Variants in TET1 observed in about 807,000 individuals in gnomAD.
TET1 encodes the protein methylcytosine dioxygenase TET1.
TET1 carries 13 observed loss-of-function variants against 148.7 expected under a neutral mutation model. That is an observed-to-expected ratio of 0.09 (90% CI 0.06 to 0.14). The LOEUF (loss-of-function observed/expected upper bound fraction) is 0.14, where lower values mean the gene tolerates loss of function less well. Ranked by LOEUF, TET1 falls within the 10% of genes least tolerant of loss-of-function variation. TET1 has a pLI of 1.00. For missense variants in TET1, 2,182 were observed against 2,553.8 expected (o/e 0.85, Z 3.14); for synonymous variants, 907 against 937.2 (o/e 0.97, Z 0.59).
At position 68,573,127 on chromosome 10, in the gene TET1, A is replaced by T. The variant is rs904734024; in HGVS notation, c.789A>T (p.Gln263His). 1 of 1,614,154 alleles carries T rather than the reference A, an allele frequency of 6.2e-7. No homozygotes were observed. The highest frequency in any genetic ancestry group is 1.3e-5 in the African/African-American group (1 of 75,050). The change falls in exon 2 of 12, where the codon CAA becomes CAT. Residue 263 changes from glutamine to histidine, a missense_variant. Transcript: ENST00000373644. ...GAGCAACCCCCAAAGTTACCTCTCA[A>T]GGAAACCCCAGCATTCAGTTAGAAG... ...PQRATPKVTS[Q>H]GNPSIQLEEL... is the part of the protein sequence containing the mutation.
chr10:68,604,554 G>A (rs961081890), intron 3 of TET1, among the ~76,000 whole-genome samples: 2 of 152,162 alleles, frequency 1.3e-5, no homozygotes, highest in African/African-American at 2.4e-5. Context: ...GAGTCAAGTG[G>A]GGGGTGGGTG....
chr10:68,583,816 C>T (rs546868369), intron 2 of TET1, among the ~76,000 whole-genome samples: 1 of 151,960 alleles, frequency 6.6e-6, no homozygotes, highest in South Asian at 2.1e-4. Flanking sequence ...GAGGCTGAGG[C>T]AAGAGGATCG....
At position 68,645,929 on chromosome 10, in the gene TET1, A is replaced by T. The variant is rs1564989745; in HGVS notation, c.3200A>T (p.Asp1067Val). 1.2e-6 allele frequency: 2 copies of T among 1,614,116 alleles called. No individual in the cohort carries two copies. Among genetic ancestry groups the T allele is most frequent in the South Asian group, 1.1e-5 (1 of 91,076 alleles). The change falls in exon 4 of 12, where the codon GAT (aspartate) becomes GTT (valine). Residue 1067 changes from aspartate (D) to valine (V), a missense_variant. By Grantham distance (152) the Asp-to-Val change is radical. Coordinates refer to ENST00000373644, the MANE Select transcript of TET1 (RefSeq NM_030625.3). ...GACTCAGATGATCTATCATGTCAGG[A>T]TGCAACCCATACCCAAATTGAGGAA... is the stretch of plus-strand genomic sequence containing the variant. ...KLDSDDLSCQ[D>V]ATHTQIEEDV... is the part of the protein sequence containing the mutation.
At position 68,624,637 on chromosome 10, in the gene TET1, T is replaced by TTTCTTTCTTTCC; in HGVS notation, c.1969-20050_1969-20049insCTTCTTTCTTTC. ...CTTTCTTTCTTTCTTTCTTTCTTTCTTTCTTTCTTTCTTTCTTTCTTTCTC... is the reference window on the plus strand; with the variant it reads ...CTTTCTTTCTTTCTTTCTTTCTTTCTTTCTTTCTTTCCTTCTTTCTTTCTTTCTTTCTTTCTC... On this transcript the variant is annotated intron_variant, in intron 3 of 11. Transcript: ENST00000373644. 6.6e-5 allele frequency among the ~76,000 whole-genome samples: 3 copies of TTTCTTTCTTTCC among 45,528 alleles called. No individual in the cohort carries two copies. The Admixed American group carries it at 7.8e-4, about 12-fold the overall frequency. The allele number at this position is 45,528 out of a possible 152,430, so 29.9% of individuals were successfully genotyped here.
At chr10:68,563,483 A>G (rs2053575833) in intron 1 of TET1, among the ~76,000 whole-genome samples, 1 of 152,250 alleles carries the variant, frequency 6.6e-6, no homozygotes, top group East Asian at 1.9e-4. Flanking sequence ...GTCTCTTGCA[A>G]CTAGCTCTAT....
At chr10:68,624,662 C>CTTTCTTTCTTT (rs1564975112) in intron 3 of TET1, among the ~76,000 whole-genome samples, 4 of 81,200 alleles carry the variant, frequency 4.9e-5, no homozygotes, top group African/African-American at 1.9e-4. Context: ...CTTTCTTTCT[C>CTTTCTTTCTTT]TCTCTCTCTC....
chr10:68,596,037 T>TATAG, intron 2 of TET1, among the ~76,000 whole-genome samples: 1 of 136,450 alleles, frequency 7.3e-6, no homozygotes, highest in Non-Finnish European at 1.6e-5. Context: ...CATATATATA[T>TATAG]ATATATACAC....
At chr10:68,579,919 C>T (rs2053772915) in intron 2 of TET1, among the ~76,000 whole-genome samples, 2 of 151,822 alleles carry the variant, frequency 1.3e-5, no homozygotes, top group South Asian at 4.2e-4. Flanking sequence ...CAGACTCTCA[C>T]ACCTTCCTTC....
rs2055589713 is a variant in TET1 at position 68,691,290 on chromosome 10, C to T, written c.5887C>T (p.His1963Tyr). 4 of 1,614,204 alleles carry T rather than the reference C, an allele frequency of 2.5e-6. No homozygotes were observed. Among genetic ancestry groups the T allele is most frequent in the Non-Finnish European group, 2.5e-6 (3 of 1,180,048 alleles). ...ASSPMEEDEQHSEADEPPSDE... is the reference protein window; with the variant it reads ...ASSPMEEDEQYSEADEPPSDE... ...TTCTCCAATGGAAGAAGATGAGCAGCATTCTGAAGCAGATGAGCCTCCATC... is the reference window on the plus strand; with the variant it reads ...TTCTCCAATGGAAGAAGATGAGCAGTATTCTGAAGCAGATGAGCCTCCATC... Residue 1963 changes from histidine to tyrosine, a missense_variant, in exon 12 of 12, where the codon CAT becomes TAT. Physicochemically the swap from His to Tyr is moderately conservative, Grantham distance 83. Around this residue, in one of 11 missense-constraint regions of TET1, gnomAD observed 380 missense variants for 387.9 expected, o/e 0.98. Coordinates refer to ENST00000373644, the MANE Select transcript of TET1 (RefSeq NM_030625.3). This position sits in a 1 kb window ranked among gnomAD's most constrained non-coding sequence, Gnocchi z 4.4.
At chr10:68,653,803 T>C (rs561150544) in intron 6 of TET1, among the ~76,000 whole-genome samples, 1 of 152,304 alleles carries the variant, frequency 6.6e-6, no homozygotes, top group Admixed American at 6.5e-5. Flanking sequence ...TTCCAGGGTT[T>C]TCCCATTAAG....
chr10:68,635,464 A>C lies in TET1; in HGVS notation c.1969-9234A>C, dbSNP rs144305131. Reference sequence around the variant, plus strand: ...AACAACCTACAGTTTATAGGAATACATTGATTCATTTAATCCTCACAATGA... The same window carrying C: ...AACAACCTACAGTTTATAGGAATACCTTGATTCATTTAATCCTCACAATGA... On this transcript the variant is annotated intron_variant, in intron 3 of 11. Transcript: ENST00000373644. 6.6e-5 allele frequency among the ~76,000 whole-genome samples: 10 copies of C among 152,262 alleles called. No individual in the cohort carries two copies. In the East Asian group the frequency reaches 1.9e-3, roughly 29 times the overall value.
At chr10:68,570,984 T>G (rs2053663613) in intron 1 of TET1, among the ~76,000 whole-genome samples, 1 of 151,412 alleles carries the variant, frequency 6.6e-6, no homozygotes, top group African/African-American at 2.4e-5. Context: ...TTATTTTATT[T>G]ATTTTATTTT....
chr10:68,595,969 C>T (rs1318165284), intron 2 of TET1, among the ~76,000 whole-genome samples: 14 of 41,948 alleles, frequency 3.3e-4, no homozygotes, highest in East Asian at 8.1e-4. Context: ...TATACACACA[C>T]ACACACACAT....
chr10:68,691,067 C>T lies in TET1; in HGVS notation c.5664C>T (p.Leu1888=). ...TPHCTMPSGR[L]SGANAAAADG... is the part of the protein sequence containing the mutation. The stretch of plus-strand genomic sequence containing the variant: ...ACTGTACGATGCCTTCGGGAAGACT[C>T]AGTGGTGCCAATGCAGCTGCTGCTG... Residue 1888 remains leucine, a synonymous_variant, in exon 12 of 12, where the codon CTC becomes CTT. Coordinates refer to ENST00000373644, the MANE Select transcript of TET1 (RefSeq NM_030625.3). The surrounding 1 kb of genome is among the most constrained non-coding windows in gnomAD (Gnocchi z 4.4). 6.2e-7 allele frequency: 1 copy of T among 1,614,220 alleles called. No individual in the cohort carries two copies. The highest frequency in any genetic ancestry group is 8.5e-7 in the Non-Finnish European group (1 of 1,180,042).
At chr10:68,595,612 C>CT (rs71470530) in intron 2 of TET1, among the ~76,000 whole-genome samples, 7,185 of 76,458 alleles carry the variant, frequency 0.094, 570 homozygotes, top group African/African-American at 0.14. Flanking sequence ...CACACAGCTT[C>CT]TTTTTTTTTT....
chr10:68,680,080 T>G (rs2055416191), intron 8 of TET1, among the ~76,000 whole-genome samples: 1 of 152,176 alleles, frequency 6.6e-6, no homozygotes, highest in Non-Finnish European at 1.5e-5. Flanking sequence ...CAAGTCAATA[T>G]AAATCAATAG....
chr10:68,662,140 G>T (rs2055129085), intron 6 of TET1, among the ~76,000 whole-genome samples: 1 of 17,654 alleles, frequency 5.7e-5, no homozygotes, highest in South Asian at 1.7e-3. Flanking sequence ...CTCACAAATT[G>T]CTGGGACAGG....
chr10:68,664,911 A>T (rs1188307155), intron 6 of TET1, among the ~76,000 whole-genome samples: 1 of 151,682 alleles, frequency 6.6e-6, no homozygotes, highest in Non-Finnish European at 1.5e-5. Context: ...AGCAACTGGG[A>T]CTACAGGTAC....
chr10:68,654,202 G>A (rs748074222), intron 6 of TET1, among the ~76,000 whole-genome samples: 48 of 151,336 alleles, frequency 3.2e-4, no homozygotes, highest in Non-Finnish European at 7.4e-5. Flanking sequence ...ACAAAAAAGA[G>A]CTAAGTAGGC....
Sources: allele counts gnomAD v4.1 joint callset (sites outside exome capture counted in the v4.1 genomes callset), GRCh38; gene constraint gnomAD v4.1.1; regional missense constraint gnomAD v4.1.1; non-coding constraint Gnocchi (gnomAD v3.1); transcripts MANE v1.5; gene names NCBI Gene and HGNC (gene_info 2026-07-23, HGNC 2026-07-21).